Variants in USP32 observed in about 807,000 individuals in gnomAD.
USP32 encodes the protein ubiquitin carboxyl-terminal hydrolase 32.
In USP32, 59 loss-of-function variants were observed where a neutral mutation model predicts 204.8. The observed-to-expected ratio is 0.29, with a 90% CI of 0.23 to 0.36. The LOEUF (loss-of-function observed/expected upper bound fraction) is 0.36. Ranked by LOEUF, USP32 falls within the 10% of genes least tolerant of loss-of-function variation. The pLI is 1.00. For synonymous variants in USP32, 517 were observed against 678.4 expected, an observed-to-expected ratio of 0.76 and a Z score of 3.70; for missense variants, 1,160 against 1,946.4, an observed-to-expected ratio of 0.60 and a Z score of 7.60.
At chr17:60,354,286 A>T (rs1421820680) in intron 1 of USP32, among the ~76,000 whole-genome samples, 1 of 152,136 alleles carries the variant, frequency 6.6e-6, no homozygotes, top group Admixed American at 6.6e-5. Context: ...TCTATTCTTC[A>T]TCTCTATTTC....
At chr17:60,270,240 A>G (rs1188720142) in intron 6 of USP32, among the ~76,000 whole-genome samples, 12 of 152,234 alleles carry the variant, frequency 7.9e-5, no homozygotes, top group Non-Finnish European at 1.5e-5. Flanking sequence ...TAAAAACACA[A>G]TGCACTGTTG....
chr17:60,333,556 T>G (rs578166806), intron 2 of USP32, among the ~76,000 whole-genome samples: 1 of 151,888 alleles, frequency 6.6e-6, no homozygotes, highest in Admixed American at 6.6e-5. Context: ...GCCAAGATTG[T>G]GCCACTGCAC....
At chr17:60,288,299 G>A (rs1337163734) in intron 5 of USP32, among the ~76,000 whole-genome samples, 1 of 151,846 alleles carries the variant, frequency 6.6e-6, no homozygotes, top group Non-Finnish European at 1.5e-5. Context: ...AATTAGCCAG[G>A]CATGGTGGCG....
At chr17:60,325,895 C>A (rs1207432125) in intron 2 of USP32, among the ~76,000 whole-genome samples, 1 of 150,646 alleles carries the variant, frequency 6.6e-6, no homozygotes, top group Admixed American at 6.6e-5. Context: ...CACCATTGCA[C>A]TCCAGCCTAG....
chr17:60,192,777 T>C, intron 28 of USP32, 67 bp downstream of exon 28: 1 of 1,564,824 alleles, frequency 6.4e-7, no homozygotes, highest in Non-Finnish European at 8.8e-7. Flanking sequence ...ACTGGAAATC[T>C]TATGAAAACT....
At chr17:60,413,876 GAAAAAAA>G (rs753405307) in intron 1 of USP32, among the ~76,000 whole-genome samples, 3 of 95,108 alleles carry the variant, frequency 3.2e-5, no homozygotes, top group African/African-American at 1.1e-4. Flanking sequence ...AAAAAAAAAA[GAAAAAAA>G]AAAAAAAAAA....
intron 26 of USP32, among the ~76,000 whole-genome samples, chr17:60,203,749 G>A (rs1202115428): frequency 3.9e-5 from 6 of 152,098 alleles, no homozygotes; most frequent in Non-Finnish European, 8.8e-5. Context: ...GCTGATTGTT[G>A]TATTTTTAAT....
intron 7 of USP32, 82 bp from the exon 8 acceptor site, chr17:60,266,173 T>G: frequency 9.5e-7 from 1 of 1,050,978 alleles, no homozygotes; most frequent in Non-Finnish European, 1.4e-6. Context: ...TGCCCTTGTA[T>G]AATTACTTAG....
At chr17:60,267,626 T>G (rs2086627701) in intron 7 of USP32, among the ~76,000 whole-genome samples, 1 of 151,930 alleles carries the variant, frequency 6.6e-6, no homozygotes, top group Non-Finnish European at 1.5e-5. Flanking sequence ...GTTGAAGCGA[T>G]TCTCCTGCCT....
chr17:60,406,813 C>CAAATTTAATTTTAATTTGTA (rs2089979916), intron 1 of USP32, among the ~76,000 whole-genome samples: 1 of 141,640 alleles, frequency 7.1e-6, no homozygotes, highest in Non-Finnish European at 1.5e-5. Flanking sequence ...TGCGCCTGGC[C>CAAATTTAATTTTAATTTGTA]TTTCTTTCTT....
At chr17:60,362,739 T>C (rs2089234667) in intron 1 of USP32, among the ~76,000 whole-genome samples, 1 of 152,142 alleles carries the variant, frequency 6.6e-6, no homozygotes, top group Non-Finnish European at 1.5e-5. Flanking sequence ...AATTTATCAT[T>C]CTCCTGGTTC....
intron 2 of USP32, among the ~76,000 whole-genome samples, chr17:60,309,375 G>A (rs150698699): frequency 3.9e-5 from 6 of 152,112 alleles, no homozygotes; most frequent in Non-Finnish European, 5.9e-5. Context: ...TGACACAGGC[G>A]GATAACTTGA....
intron 2 of USP32, among the ~76,000 whole-genome samples, chr17:60,333,142 G>T (rs774380028): frequency 6.6e-6 from 1 of 152,136 alleles, no homozygotes; most frequent in Admixed American, 6.5e-5. Flanking sequence ...ACAACTCCCC[G>T]CAAGGTTGAA....
At chr17:60,367,596 A>G (rs1378651570) in intron 1 of USP32, among the ~76,000 whole-genome samples, 1 of 152,206 alleles carries the variant, frequency 6.6e-6, no homozygotes, top group African/African-American at 2.4e-5. Context: ...GGATCACTTG[A>G]CGTCAGTTCA....
chr17:60,236,512 C>CAATTAATT (rs112201486), intron 11 of USP32, among the ~76,000 whole-genome samples: 23 of 151,532 alleles, frequency 1.5e-4, no homozygotes, highest in African/African-American at 5.4e-4. Context: ...CTGGTGTTTC[C>CAATTAATT]AATTAATTAA....
At chr17:60,337,567 A>C (rs544711944) in intron 2 of USP32, among the ~76,000 whole-genome samples, 2 of 152,302 alleles carry the variant, frequency 1.3e-5, no homozygotes, top group African/African-American at 4.8e-5. Context: ...TTAAGTCATA[A>C]AGTCTGCCCA....
chr17:60,230,588 T>G (rs2085519496), intron 12 of USP32, among the ~76,000 whole-genome samples: 1 of 152,204 alleles, frequency 6.6e-6, no homozygotes, highest in African/African-American at 2.4e-5. Flanking sequence ...TTTTCTTTGC[T>G]TCTCTTCCAA....
intron 17 of USP32, among the ~76,000 whole-genome samples, chr17:60,213,953 T>G (rs1361305969): frequency 1.3e-5 from 2 of 151,930 alleles, no homozygotes; most frequent in Non-Finnish European, 2.9e-5. Context: ...TTGTTTTTTT[T>G]TTTTTTAAAG....
intron 11 of USP32, among the ~76,000 whole-genome samples, chr17:60,250,219 G>A (rs1344140055): frequency 6.6e-6 from 1 of 151,930 alleles, no homozygotes; most frequent in African/African-American, 2.4e-5. Flanking sequence ...CAAAATGAGA[G>A]ACACTAATTT....
Sources: gnomAD v4.1 joint callset for allele counts (sites outside exome capture counted in the v4.1 genomes callset) on GRCh38, gnomAD v4.1.1 for gene constraint, MANE v1.5 for transcripts, NCBI Gene and HGNC (gene_info 2026-07-23, HGNC 2026-07-21) for gene names.